Variants in NRG3 observed in about 807,000 individuals in gnomAD.
NRG3 encodes the protein pro-neuregulin-3, membrane-bound isoform.
NRG3 carries 31 observed loss-of-function variants against 66.9 expected under a neutral mutation model. The observed-to-expected ratio is 0.46, with a 90% confidence interval of 0.35 to 0.63. NRG3 has a LOEUF of 0.63. Ranked by LOEUF, NRG3 falls within the 20% of genes least tolerant of loss-of-function variation. The probability of loss-of-function intolerance (pLI) is 0.00; values close to 1 mark genes in which losing one functional copy is unlikely to be tolerated. For synonymous variants in NRG3, 393 were observed against 359.4 expected (o/e 1.09, Z -1.06); for missense variants, 910 against 878.9 (o/e 1.04, Z -0.45).
At chr10:81,942,110 C>A (rs1848453901) in intron 1 of NRG3, among the ~76,000 whole-genome samples, 1 of 152,046 alleles carries the variant, frequency 6.6e-6, no homozygotes. Context: ...GAAGATTTAT[C>A]TTTGAGCAAA....
At chr10:82,626,129 C>T (rs1374415260) in intron 2 of NRG3, among the ~76,000 whole-genome samples, 3 of 152,116 alleles carry the variant, frequency 2.0e-5, no homozygotes, top group Non-Finnish European at 4.4e-5. Flanking sequence ...TACCCATTCA[C>T]TCAGCCTCAC....
At chr10:82,922,077 A>G (rs1388547946) in intron 4 of NRG3, among the ~76,000 whole-genome samples, 1 of 152,030 alleles carries the variant, frequency 6.6e-6, no homozygotes, top group Non-Finnish European at 1.5e-5. Context: ...GCTTTTATAC[A>G]TTGTCTTCTC....
At chr10:82,200,594 G>A (rs890955525) in intron 1 of NRG3, among the ~76,000 whole-genome samples, 4 of 152,044 alleles carry the variant, frequency 2.6e-5, no homozygotes, top group Admixed American at 6.6e-5. Flanking sequence ...ATCAATGATG[G>A]GTTCTAACTC....
rs145681971 is a variant in NRG3, at chr10:82,123,750, T to A, written c.824-234989T>A. Among the ~76,000 whole-genome samples, 346 of 152,320 alleles carry A rather than the reference T, an allele frequency of 2.3e-3. 1 individual carries two copies. Among genetic ancestry groups the A allele is most frequent in the Non-Finnish European group, 4.0e-3 (269 of 68,034 alleles). On this transcript the variant is annotated intron_variant, in intron 1 of 8. Coordinates refer to ENST00000372141, the MANE Select transcript of NRG3 (RefSeq NM_001010848.4). ...GTCTGGAATTCTAATATAGTAGATC[T>A]GAATGTTGGCTGAACAGTGGAATCG...
At chr10:82,564,633 A>C (rs2045274515) in intron 2 of NRG3, among the ~76,000 whole-genome samples, 1 of 151,768 alleles carries the variant, frequency 6.6e-6, no homozygotes, top group Non-Finnish European at 1.5e-5. Flanking sequence ...AGACTCTAAC[A>C]CTCTATCTTG....
At chr10:81,953,866 C>T (rs1309109358) in intron 1 of NRG3, among the ~76,000 whole-genome samples, 1 of 152,160 alleles carries the variant, frequency 6.6e-6, no homozygotes, top group Non-Finnish European at 1.5e-5. Flanking sequence ...GATACTGACT[C>T]ATTAACATCT....
At chr10:81,938,041 A>C (rs966361365) in intron 1 of NRG3, among the ~76,000 whole-genome samples, 2 of 152,094 alleles carry the variant, frequency 1.3e-5, no homozygotes, top group Non-Finnish European at 2.9e-5. Flanking sequence ...GTTGAATATC[A>C]TTTGGTCATA....
chr10:82,606,954 C>A (rs975713471), intron 2 of NRG3, among the ~76,000 whole-genome samples: 3 of 152,116 alleles, frequency 2.0e-5, no homozygotes, highest in African/African-American at 7.2e-5. Flanking sequence ...CACACTTTGG[C>A]CCATCACCCA....
intron 1 of NRG3, among the ~76,000 whole-genome samples, chr10:82,264,467 A>G (rs150856618): frequency 1.3e-5 from 2 of 150,804 alleles, no homozygotes; most frequent in East Asian, 3.9e-4. Context: ...ACACATGGGG[A>G]TTATTACAAT....
At chr10:82,060,999 G>A (rs2064112114) in intron 1 of NRG3, among the ~76,000 whole-genome samples, 1 of 152,196 alleles carries the variant, frequency 6.6e-6, no homozygotes, top group Non-Finnish European at 1.5e-5. Context: ...TTTGCAATCT[G>A]GAAATAGCTC....
chr10:82,447,707 G>A (rs927692590), intron 2 of NRG3, among the ~76,000 whole-genome samples: 5 of 152,180 alleles, frequency 3.3e-5, no homozygotes, highest in African/African-American at 1.2e-4. Context: ...GTAGTTTTTG[G>A]TTTGAAAATT....
rs1055693824 is a variant in NRG3, at chr10:82,548,038, C to CGTT, written c.953+189171_953+189173dup. Among the ~76,000 whole-genome samples the CGTT allele has an allele frequency of 4.7e-4, 43 of 92,058 alleles. 1 individual carries two copies. The highest frequency in any genetic ancestry group is 6.3e-3 in the Middle Eastern group (1 of 158). 60.4% of individuals were successfully genotyped at this position (92,058 alleles called of 152,430 possible). A position where few individuals can be genotyped will look rare whatever the true frequency, so the allele number is the denominator to read the frequency against. ...ACAAAAAAAGAAGTGACTCATGCCACGTTTTTTTTTTTTTTTTTTTAAATC... is the reference window on the plus strand; with the variant it reads ...ACAAAAAAAGAAGTGACTCATGCCACGTTGTTTTTTTTTTTTTTTTTTTAAATC... On this transcript the variant is annotated intron_variant, in intron 2 of 8. Coordinates refer to ENST00000372141, the MANE Select transcript of NRG3 (RefSeq NM_001010848.4).
At chr10:82,170,512 T>A (rs12259033) in intron 1 of NRG3, among the ~76,000 whole-genome samples, 14,132 of 151,560 alleles carry the variant, frequency 0.093, 961 homozygotes, top group African/African-American at 0.18. Flanking sequence ...GGTTCACCAT[T>A]CAACACCTGA....
chr10:82,082,658 G>A (rs769719164), intron 1 of NRG3, among the ~76,000 whole-genome samples: 4 of 152,120 alleles, frequency 2.6e-5, no homozygotes, highest in Non-Finnish European at 5.9e-5. Flanking sequence ...GAGGGAAGGT[G>A]TGGTCACTTC....
At chr10:82,562,771 G>A (rs1475901893) in intron 2 of NRG3, among the ~76,000 whole-genome samples, 1 of 151,582 alleles carries the variant, frequency 6.6e-6, no homozygotes, top group Non-Finnish European at 1.5e-5. Flanking sequence ...CTATCTAGTG[G>A]TCGGCCTTGT....
chr10:82,616,818 T>C (rs1390702627), intron 2 of NRG3, among the ~76,000 whole-genome samples: 1 of 152,242 alleles, frequency 6.6e-6, no homozygotes, highest in Non-Finnish European at 1.5e-5. Flanking sequence ...AGAAGGACAC[T>C]GATTTTCAAT....
intron 3 of NRG3, among the ~76,000 whole-genome samples, chr10:82,812,583 G>GT: frequency 6.6e-6 from 1 of 152,156 alleles, no homozygotes; most frequent in Non-Finnish European, 1.5e-5. Context: ...TATGGAAAAT[G>GT]TAGAATCAAC....
At chr10:82,725,824 G>A (rs575562711) in intron 2 of NRG3, among the ~76,000 whole-genome samples, 42 of 152,196 alleles carry the variant, frequency 2.8e-4, no homozygotes, top group African/African-American at 9.9e-4. Context: ...TAGAATTCAC[G>A]TTCTAGTCTT....
chr10:82,702,973 T>TTTG (rs57058539), intron 2 of NRG3, among the ~76,000 whole-genome samples: 3,330 of 151,896 alleles, frequency 0.022, 138 homozygotes, highest in African/African-American at 0.076. Flanking sequence ...TGCCATTTTT[T>TTTG]TTGTTGTTAT....
Sources: allele counts gnomAD v4.1 joint callset (sites outside exome capture counted in the v4.1 genomes callset), GRCh38; gene constraint gnomAD v4.1.1; transcripts MANE v1.5; gene names NCBI Gene and HGNC (gene_info 2026-07-23, HGNC 2026-07-21).